NF2: variants seen among roughly 807,000 people sequenced by gnomAD.
The protein encoded by NF2 is NF2, moesin-ezrin-radixin like (MERLIN) tumor suppressor.
Under a neutral mutation model 83.7 loss-of-function variants are expected in NF2, and 8 were observed. That is an observed-to-expected ratio of 0.10 (90% CI 0.06 to 0.17). The LOEUF (loss-of-function observed/expected upper bound fraction) is 0.17, where lower values mean the gene tolerates loss of function less well. Ranked by LOEUF, NF2 falls within the 10% of genes least tolerant of loss-of-function variation. The probability of loss-of-function intolerance (pLI) is 1.00; values close to 1 mark genes in which losing one functional copy is unlikely to be tolerated. For synonymous variants in NF2, 266 were observed against 269.6 expected, an observed-to-expected ratio of 0.99 and a Z score of 0.13; for missense variants, 533 against 744.4, an observed-to-expected ratio of 0.72 and a Z score of 3.31.
At chr22:29,647,746 GATGTAGCTCACTGATTT>G (rs2066022606) in intron 4 of NF2, among the ~76,000 whole-genome samples, 1 of 152,048 alleles carries the variant, frequency 6.6e-6, no homozygotes, top group Admixed American at 6.6e-5. Flanking sequence ...TGTGTGTATA[GATGTAGCTCACTGATTT>G]TAATTGATTT....
chr22:29,673,504 A>C lies in NF2; in HGVS notation c.1340+18A>C, dbSNP rs1601649145. 6.3e-7 allele frequency: 1 copy of C among 1,597,914 alleles called. No individual in the cohort carries two copies. Among genetic ancestry groups the C allele is most frequent in the Non-Finnish European group, 8.5e-7 (1 of 1,174,034 alleles). Reference sequence around the variant, plus strand: ...GAGAGGAGGTGAGGGGGCACCGGGCACCAGACTGGCGAGGAGGCTGGCGAA... The same window carrying C: ...GAGAGGAGGTGAGGGGGCACCGGGCCCCAGACTGGCGAGGAGGCTGGCGAA... On this transcript the variant is annotated intron_variant, in intron 12 of 15. Transcript: ENST00000338641.
intron 5 of NF2, 135 bp downstream of exon 5, chr22:29,654,860 A>C (rs1309526339): frequency 2.7e-6 from 2 of 749,068 alleles, no homozygotes; most frequent in Non-Finnish European, 4.6e-6. Context: ...TCTCCAGTAA[A>C]CAGTGTGGGA....
chr22:29,694,064 C>T lies in NF2; in HGVS notation c.1738-688C>T, dbSNP rs957945845. On this transcript the variant is annotated intron_variant, in intron 15 of 15. Coordinates refer to ENST00000338641, the MANE Select transcript of NF2 (RefSeq NM_000268.4). This position sits in a 1 kb window ranked among gnomAD's most constrained non-coding sequence, Gnocchi z 4.1. ...TGATCCACCCCATCCCCTTCCACAT[C>T]TCCCTGACTGTCCTTCTTTACATTT... Among the ~76,000 whole-genome samples, 2 of 152,242 alleles carry T rather than the reference C, an allele frequency of 1.3e-5. No individual in the cohort carries two copies. The highest frequency in any genetic ancestry group is 2.9e-5 in the Non-Finnish European group (2 of 68,040).
At chr22:29,617,089 C>A (rs553380543) in intron 1 of NF2, among the ~76,000 whole-genome samples, 1 of 151,958 alleles carries the variant, frequency 6.6e-6, no homozygotes, top group African/African-American at 2.4e-5. Flanking sequence ...CCACCATGCC[C>A]GGCTAATTTT....
intron 1 of NF2, among the ~76,000 whole-genome samples, chr22:29,630,884 A>C (rs551491612): frequency 9.2e-5 from 14 of 152,332 alleles, no homozygotes; most frequent in African/African-American, 3.4e-4. Context: ...AAACCCTAAC[A>C]AAAAGGCCCT....
intron 1 of NF2, among the ~76,000 whole-genome samples, chr22:29,613,182 C>T (rs2064997518): frequency 6.6e-6 from 1 of 151,726 alleles, no homozygotes; most frequent in African/African-American, 2.4e-5. Flanking sequence ...TGAAAAAGAA[C>T]AAAGCAGAAA....
intron 14 of NF2, 110 bp from the exon 15 acceptor site, chr22:29,681,329 C>G: frequency 7.4e-7 from 1 of 1,354,982 alleles, no homozygotes; most frequent in Non-Finnish European, 1.0e-6. Flanking sequence ...ACGTGAACCC[C>G]AGGCCTCAAA....
In NF2 at chr22:29,603,718, C is replaced by T; in HGVS notation, c.-281C>T. 2.2e-6 allele frequency: 1 copy of T among 455,206 alleles called. No homozygotes were observed. Among genetic ancestry groups the T allele is most frequent in the Non-Finnish European group, 3.9e-6 (1 of 258,976 alleles). The allele number at this position is 455,206 out of a possible 1,614,324, so 28.2% of individuals were successfully genotyped here. ...CGTCCCGAGGCGTCCCCGGCATCTC[C>T]GGCCCGAATCCCGGAGTGCCGGGTC... On this transcript the variant is annotated 5_prime_UTR_variant, in exon 1 of 16. Transcript: ENST00000338641.
chr22:29,680,474 C>G (rs756638993), intron 14 of NF2, among the ~76,000 whole-genome samples: 1 of 152,228 alleles, frequency 6.6e-6, no homozygotes, highest in African/African-American at 2.4e-5. Context: ...ACTTCTTACC[C>G]TTGCACATAT....
chr22:29,625,082 G>T (rs1017224597), intron 1 of NF2, among the ~76,000 whole-genome samples: 2 of 151,858 alleles, frequency 1.3e-5, no homozygotes, highest in Non-Finnish European at 2.9e-5. Context: ...GGGACTACAG[G>T]CGTGCGCCAC....
chr22:29,644,204 C>A (rs530841794), intron 4 of NF2, among the ~76,000 whole-genome samples: 5 of 144,626 alleles, frequency 3.5e-5, no homozygotes, highest in Non-Finnish European at 7.6e-5. Context: ...ACTTCTCAGA[C>A]GGGGCGGCCG....
At chr22:29,645,717 A>G (rs550309956) in intron 4 of NF2, among the ~76,000 whole-genome samples, 1 of 152,252 alleles carries the variant, frequency 6.6e-6, no homozygotes, top group African/African-American at 2.4e-5. Flanking sequence ...TTTTCTTTCC[A>G]TGGATTTTTG....
At position 29,696,100 on chromosome 22, in the gene NF2, G is replaced by A. The variant is rs1191420967; in HGVS notation, c.*1298G>A. On this transcript the variant is annotated 3_prime_UTR_variant, in exon 16 of 16. Transcript: ENST00000338641. ...TTTTTTTTTTTTTTTCCGAGATGGA[G>A]TCTCTCTCTGTCACCCAGGTGGGAG... 1.4e-5 allele frequency: 3 copies of A among 207,046 alleles called. No homozygotes were observed. Among genetic ancestry groups the A allele is most frequent in the Non-Finnish European group, 1.8e-5 (2 of 109,576 alleles). 12.8% of individuals were successfully genotyped at this position (207,046 alleles called of 1,614,324 possible).
At chr22:29,678,752 G>C (rs1405311533) in intron 14 of NF2, among the ~76,000 whole-genome samples, 1 of 152,244 alleles carries the variant, frequency 6.6e-6, no homozygotes, top group Non-Finnish European at 1.5e-5. Flanking sequence ...TGAGAGAAGA[G>C]ACTCAGGCTC....
chr22:29,640,739 TA>T (rs1367081070), intron 3 of NF2, among the ~76,000 whole-genome samples: 1 of 149,992 alleles, frequency 6.7e-6, no homozygotes, highest in African/African-American at 2.5e-5. Flanking sequence ...TAAAACCCCC[TA>T]AATTCTTTTT....
chr22:29,649,929 A>G (rs1261819603), intron 4 of NF2, among the ~76,000 whole-genome samples: 1 of 152,078 alleles, frequency 6.6e-6, no homozygotes, highest in Non-Finnish European at 1.5e-5. Context: ...GGGGATGGAC[A>G]CCCCATTCTC....
intron 4 of NF2, among the ~76,000 whole-genome samples, chr22:29,646,210 G>A (rs1014691100): frequency 6.6e-6 from 1 of 152,180 alleles, no homozygotes; most frequent in Admixed American, 6.5e-5. Flanking sequence ...AGGGATTTGT[G>A]ACTTGTGCAA....
chr22:29,622,068 G>A (rs891053220), intron 1 of NF2, among the ~76,000 whole-genome samples: 1 of 152,188 alleles, frequency 6.6e-6, no homozygotes, highest in East Asian at 1.9e-4. Context: ...GAGAGAAAAA[G>A]TTAGAAACCT....
intron 1 of NF2, 77 bp downstream of exon 1, chr22:29,604,189 T>C: frequency 1.7e-6 from 2 of 1,188,130 alleles, no homozygotes; most frequent in Non-Finnish European, 2.5e-6. Context: ...TATCATCTTA[T>C]GGGTGTAGCT....
Sources: allele counts gnomAD v4.1 joint callset (sites outside exome capture counted in the v4.1 genomes callset), GRCh38; gene constraint gnomAD v4.1.1; non-coding constraint Gnocchi (gnomAD v3.1); transcripts MANE v1.5; gene names NCBI Gene and HGNC (gene_info 2026-07-23, HGNC 2026-07-21).